KCNMA1: variants seen among roughly 807,000 people sequenced by gnomAD.
The protein encoded by KCNMA1 is potassium calcium-activated channel subfamily M alpha 1.
A neutral mutation model predicts 140.0 loss-of-function variants in KCNMA1; 29 were observed. The observed-to-expected ratio is 0.21, with a 90% CI of 0.15 to 0.28. The LOEUF (loss-of-function observed/expected upper bound fraction) is 0.28. Among genes scored for constraint, KCNMA1 ranks in the 10% least tolerant of loss-of-function variants. The pLI is 1.00. For synonymous variants in KCNMA1, 612 were observed against 611.9 expected (o/e 1.00, Z 0.00); for missense variants, 880 against 1,602.2 (o/e 0.55, Z 7.70).
At chr10:77,285,170 C>T (rs2070313052) in intron 2 of KCNMA1, among the ~76,000 whole-genome samples, 1 of 152,148 alleles carries the variant, frequency 6.6e-6, no homozygotes, top group Admixed American at 6.5e-5. Flanking sequence ...TAAATGCATT[C>T]GACTGAGCAG....
intron 14 of KCNMA1, among the ~76,000 whole-genome samples, chr10:77,051,685 C>T (rs765124885): frequency 2.0e-5 from 3 of 152,138 alleles, no homozygotes; most frequent in African/African-American, 7.2e-5. Context: ...CTGAGTACAG[C>T]AGGGAAGTGC....
chr10:77,373,385 AT>A (rs911429975), intron 2 of KCNMA1, among the ~76,000 whole-genome samples: 5 of 152,218 alleles, frequency 3.3e-5, no homozygotes, highest in Admixed American at 6.5e-5. Context: ...GTAGGTCTGC[AT>A]GGGAAATTAC....
At position 76,889,054 on chromosome 10, in the gene KCNMA1, A is replaced by G. The variant is rs546892381; in HGVS notation, c.3461+397T>C. Among the ~76,000 whole-genome samples, 3 of 128,580 alleles carry G rather than the reference A, an allele frequency of 2.3e-5. No homozygotes were observed. The South Asian group carries it at 7.6e-4, about 33-fold the overall frequency. 84.4% of individuals were successfully genotyped at this position (128,580 alleles called of 152,430 possible). A position where few individuals can be genotyped will look rare whatever the true frequency, so the allele number is the denominator to read the frequency against. On this transcript the variant is annotated intron_variant, in intron 27 of 27. Coordinates refer to ENST00000286628, the MANE Select transcript of KCNMA1 (RefSeq NM_001161352.2). ...AGCCTGGGCAACAGAGCAACACTCC[A>G]TCTCAAAAAACAAACAAACAAAAAA...
intron 1 of KCNMA1, among the ~76,000 whole-genome samples, chr10:77,631,069 T>C (rs908045411): frequency 7.3e-6 from 1 of 136,820 alleles, no homozygotes; most frequent in Non-Finnish European, 1.5e-5. Context: ...ATCATGCCAC[T>C]GTACTCCAGC....
At chr10:77,518,368 T>C (rs529569520) in intron 1 of KCNMA1, among the ~76,000 whole-genome samples, 3 of 152,368 alleles carry the variant, frequency 2.0e-5, no homozygotes, top group Non-Finnish European at 2.9e-5. Flanking sequence ...GGCCAACACA[T>C]GGCAGGCCCT....
chr10:77,113,340 T>G (rs1379788275), intron 6 of KCNMA1, among the ~76,000 whole-genome samples: 1 of 152,252 alleles, frequency 6.6e-6, no homozygotes, highest in African/African-American at 2.4e-5. Flanking sequence ...AATCCCAGCT[T>G]CAGTCCCTTC....
chr10:77,398,549 T>C lies in KCNMA1; in HGVS notation c.540+5313A>G, dbSNP rs75692696. Among the ~76,000 whole-genome samples the C allele has an allele frequency of 4.0e-3, 604 of 152,354 alleles. 2 individuals carry two copies. The highest frequency in any genetic ancestry group is 0.014 in the African/African-American group (572 of 41,584). On this transcript the variant is annotated intron_variant, in intron 2 of 27. Coordinates refer to ENST00000286628, the MANE Select transcript of KCNMA1 (RefSeq NM_001161352.2). Reference sequence around the variant, plus strand: ...TTGCCCACTTTTAAATGTTATTTGGTGATTTTTGTTGTTGAGTTTTTTAAG... The same window carrying C: ...TTGCCCACTTTTAAATGTTATTTGGCGATTTTTGTTGTTGAGTTTTTTAAG...
chr10:77,077,108 AAC>A (rs1490572541), intron 13 of KCNMA1, among the ~76,000 whole-genome samples: 4 of 152,246 alleles, frequency 2.6e-5, no homozygotes, highest in Non-Finnish European at 5.9e-5. Context: ...CATCTCAGGA[AAC>A]ACAGCAAAAC....
intron 2 of KCNMA1, among the ~76,000 whole-genome samples, chr10:77,388,926 G>A (rs968934548): frequency 1.3e-5 from 2 of 152,192 alleles, no homozygotes; most frequent in African/African-American, 4.8e-5. Context: ...GGAAACAGCT[G>A]CAGTGCTCCA....
At chr10:77,071,784 T>C (rs1161225742) in intron 14 of KCNMA1, 2 of 152,212 alleles carry the variant, frequency 1.3e-5, no homozygotes, top group East Asian at 1.9e-4. Flanking sequence ...GCTAAAGTGA[T>C]TGAAGGAGCT....
chr10:77,108,437 G>C lies in KCNMA1; in HGVS notation c.1223+44C>G. 2 of 1,601,230 alleles carry C rather than the reference G, an allele frequency of 1.2e-6. No homozygotes were observed. Among genetic ancestry groups the C allele is most frequent in the Non-Finnish European group, 1.7e-6 (2 of 1,170,496 alleles). ...AAAAAAAAAAATGGCATGCAGAGAG[G>C]ATTCTACCGCAGCAGAGGCAGCAAA... On this transcript the variant is annotated intron_variant, in intron 9 of 27. Coordinates refer to ENST00000286628, the MANE Select transcript of KCNMA1 (RefSeq NM_001161352.2). The surrounding 1 kb of genome is among the most constrained non-coding windows in gnomAD (Gnocchi z 4.6).
At chr10:76,909,372 C>A (rs1044972059) in intron 25 of KCNMA1, among the ~76,000 whole-genome samples, 1 of 152,160 alleles carries the variant, frequency 6.6e-6, no homozygotes, top group African/African-American at 2.4e-5. Flanking sequence ...CTACAACAGC[C>A]AAGGCAATCC....
At chr10:77,582,641 C>T (rs2076186685) in intron 1 of KCNMA1, among the ~76,000 whole-genome samples, 1 of 152,212 alleles carries the variant, frequency 6.6e-6, no homozygotes, top group Non-Finnish European at 1.5e-5. Flanking sequence ...AAATCCGCTG[C>T]TCTAAAATCC....
At chr10:77,601,630 C>G (rs529374281) in intron 1 of KCNMA1, among the ~76,000 whole-genome samples, 1 of 152,304 alleles carries the variant, frequency 6.6e-6, no homozygotes, top group African/African-American at 2.4e-5. Context: ...GGTTCCAAGA[C>G]AGGAGTCAGC....
intron 1 of KCNMA1, among the ~76,000 whole-genome samples, chr10:77,479,288 G>A (rs991018927): frequency 6.6e-6 from 1 of 152,196 alleles, no homozygotes; most frequent in African/African-American, 2.4e-5. Flanking sequence ...CACTAGTGAT[G>A]AAGGCAGGCA....
At chr10:77,587,974 C>G (rs2077764722) in intron 1 of KCNMA1, 5 of 547,224 alleles carry the variant, frequency 9.1e-6, no homozygotes, top group Non-Finnish European at 1.2e-5. Context: ...GCAAAGCACT[C>G]TATTTTAAGT....
At chr10:77,267,906 A>G (rs2063861454) in intron 2 of KCNMA1, among the ~76,000 whole-genome samples, 1 of 152,246 alleles carries the variant, frequency 6.6e-6, no homozygotes, top group South Asian at 2.1e-4. Flanking sequence ...TCCCTGTTAT[A>G]TCAGAATGCT....
chr10:76,957,583 T>C (rs2068902379), intron 20 of KCNMA1, among the ~76,000 whole-genome samples: 1 of 152,180 alleles, frequency 6.6e-6, no homozygotes, highest in South Asian at 2.1e-4. Context: ...GAGCAAGGGA[T>C]ACAGTGAGCA....
At chr10:77,415,044 G>A (rs531378357) in intron 1 of KCNMA1, among the ~76,000 whole-genome samples, 1 of 152,262 alleles carries the variant, frequency 6.6e-6, no homozygotes, top group African/African-American at 2.4e-5. Context: ...ACAAAATCCT[G>A]TAGTACAGAC....
Sources: allele counts gnomAD v4.1 joint callset (sites outside exome capture counted in the v4.1 genomes callset), GRCh38; gene constraint gnomAD v4.1.1; non-coding constraint Gnocchi (gnomAD v3.1); transcripts MANE v1.5; gene names NCBI Gene and HGNC (gene_info 2026-07-23, HGNC 2026-07-21).